CLDN10: variants seen among roughly 807,000 people sequenced by gnomAD.
The protein encoded by CLDN10 is claudin-10.
A neutral mutation model predicts 22.9 loss-of-function variants in CLDN10; 15 were observed. That is an observed-to-expected ratio of 0.65 (90% CI 0.44 to 1.01). CLDN10 has a LOEUF of 1.01. Among genes scored for constraint, CLDN10 ranks in the 50% least tolerant of loss-of-function variants. The pLI, the probability that CLDN10 is intolerant of heterozygous loss-of-function variation, is 0.00. For missense variants in CLDN10, 247 were observed against 287.8 expected (o/e 0.86, Z 1.03); for synonymous variants, 114 against 111.4 (o/e 1.02, Z -0.15).
chr13:95,560,511 A>G (rs769511383), intron 3 of CLDN10, 48 bp downstream of exon 3: 2 of 1,430,566 alleles, frequency 1.4e-6, no homozygotes, highest in Non-Finnish European at 9.8e-7. Context: ...AGTGTATATA[A>G]ATTAATATTC....
chr13:95,445,108 T>C (rs1043883260), intron 1 of CLDN10, among the ~76,000 whole-genome samples: 1 of 152,228 alleles, frequency 6.6e-6, no homozygotes, highest in Non-Finnish European at 1.5e-5. Context: ...GGAAATGTTA[T>C]CTACTTCAGA....
chr13:95,498,229 T>C (rs2042948238), intron 1 of CLDN10, among the ~76,000 whole-genome samples: 1 of 152,160 alleles, frequency 6.6e-6, no homozygotes, highest in Non-Finnish European at 1.5e-5. Context: ...TACTGTTTCA[T>C]TGAATCCTCC....
At chr13:95,531,919 A>G (rs1226077436) in intron 1 of CLDN10, among the ~76,000 whole-genome samples, 1 of 152,176 alleles carries the variant, frequency 6.6e-6, no homozygotes, top group Non-Finnish European at 1.5e-5. Context: ...AAAACAGTCC[A>G]ACAGGAATTT....
At chr13:95,567,500 A>G (rs943600311) in intron 3 of CLDN10, among the ~76,000 whole-genome samples, 5 of 152,218 alleles carry the variant, frequency 3.3e-5, no homozygotes, top group African/African-American at 1.2e-4. Context: ...GAAGTTGCTT[A>G]TCAGCTTAAG....
At chr13:95,442,916 C>T (rs985341579) in intron 1 of CLDN10, among the ~76,000 whole-genome samples, 3 of 152,200 alleles carry the variant, frequency 2.0e-5, no homozygotes, top group Non-Finnish European at 4.4e-5. Context: ...TCATGAGCAG[C>T]TGTCACAATC....
intron 1 of CLDN10, among the ~76,000 whole-genome samples, chr13:95,474,454 G>A (rs1055926581): frequency 4.6e-5 from 7 of 152,112 alleles, no homozygotes; most frequent in African/African-American, 1.7e-4. Flanking sequence ...ACTGGTACCA[G>A]CCCATGGCCC....
intron 3 of CLDN10, among the ~76,000 whole-genome samples, chr13:95,568,040 CT>C (rs1186676916): frequency 6.6e-6 from 1 of 152,144 alleles, no homozygotes; most frequent in Non-Finnish European, 1.5e-5. Context: ...ACAGATTTTC[CT>C]GGGTGAGGTT....
rs201429199 is a variant in CLDN10, at chr13:95,456,598, T to TA, written c.214+22561dup. On this transcript the variant is annotated intron_variant, in intron 1 of 4. Transcript: ENST00000376873. ...TAAGACGCCTGTCTCCACAAAAAAT[T>TA]AAAAAAAAAATTAGCTGGTCATGAT... 1.3e-3 allele frequency among the ~76,000 whole-genome samples: 191 copies of TA among 149,640 alleles called. 1 individual carries two copies. Among genetic ancestry groups the TA allele is most frequent in the Admixed American group, 0.011 (168 of 14,980 alleles).
At chr13:95,507,186 T>C (rs1173609830) in intron 1 of CLDN10, among the ~76,000 whole-genome samples, 1 of 152,244 alleles carries the variant, frequency 6.6e-6, no homozygotes, top group Non-Finnish European at 1.5e-5. Context: ...TTTTGGCTAT[T>C]ATCCTAATTT....
chr13:95,563,976 A>G (rs1446400004), intron 3 of CLDN10, among the ~76,000 whole-genome samples: 2 of 152,226 alleles, frequency 1.3e-5, no homozygotes, highest in Admixed American at 1.3e-4. Context: ...TATTCTAGGG[A>G]TAGCACTTCT....
intron 1 of CLDN10, among the ~76,000 whole-genome samples, chr13:95,542,274 A>G (rs9525017): frequency 0.3 from 45,350 of 152,128 alleles, 7,567 homozygotes; most frequent in Admixed American, 0.37. Context: ...ACAATTCTAC[A>G]TGAGATGTGG....
chr13:95,477,177 C>T (rs1044681513), intron 1 of CLDN10, among the ~76,000 whole-genome samples: 9 of 152,158 alleles, frequency 5.9e-5, no homozygotes, highest in African/African-American at 1.9e-4. Context: ...CAGGGACACC[C>T]GGGGCAGCAC....
chr13:95,537,655 C>A (rs114387497), intron 1 of CLDN10, among the ~76,000 whole-genome samples: 1,871 of 152,154 alleles, frequency 0.012, 36 homozygotes, highest in African/African-American at 0.042. Flanking sequence ...ATTAGGGTAC[C>A]ACTTCACTCC....
chr13:95,555,249 A>G (rs1375177878), intron 1 of CLDN10, among the ~76,000 whole-genome samples: 2 of 152,042 alleles, frequency 1.3e-5, no homozygotes, highest in African/African-American at 4.8e-5. Flanking sequence ...ACAGGGTTTC[A>G]CCATGTTAGG....
intron 1 of CLDN10, among the ~76,000 whole-genome samples, chr13:95,497,597 A>G (rs1309342105): frequency 6.6e-6 from 1 of 152,212 alleles, no homozygotes; most frequent in African/African-American, 2.4e-5. Flanking sequence ...TGTGCATTGC[A>G]GTTTCACAAC....
At chr13:95,569,511 G>T (rs542803726) in intron 3 of CLDN10, among the ~76,000 whole-genome samples, 4 of 152,252 alleles carry the variant, frequency 2.6e-5, no homozygotes, top group African/African-American at 7.2e-5. Flanking sequence ...TTGAACCTGG[G>T]GGGTGGAGGT....
intron 1 of CLDN10, among the ~76,000 whole-genome samples, chr13:95,471,624 G>A (rs1378237429): frequency 6.6e-6 from 1 of 151,268 alleles, no homozygotes; most frequent in Admixed American, 6.6e-5. Context: ...GGCTAATTTT[G>A]TATTTTTAGT....
At chr13:95,539,386 T>C (rs1208500222) in intron 1 of CLDN10, among the ~76,000 whole-genome samples, 2 of 152,246 alleles carry the variant, frequency 1.3e-5, no homozygotes, top group Non-Finnish European at 2.9e-5. Context: ...TTGAGACATG[T>C]GGGAATACAG....
chr13:95,458,406 T>G (rs1430646593), intron 1 of CLDN10, among the ~76,000 whole-genome samples: 2 of 152,162 alleles, frequency 1.3e-5, no homozygotes, highest in East Asian at 3.9e-4. Context: ...GACTGGGTAA[T>G]TTATAAAGGA....
Sources: gnomAD v4.1 joint callset for allele counts (sites outside exome capture counted in the v4.1 genomes callset) on GRCh38, gnomAD v4.1.1 for gene constraint, MANE v1.5 for transcripts, NCBI Gene and HGNC (gene_info 2026-07-23, HGNC 2026-07-21) for gene names.